The following CHN2 variants were observed in gnomAD, a reference collection of about 807,000 sequenced individuals.
CHN2 encodes the protein beta-chimaerin.
A neutral mutation model predicts 56.3 loss-of-function variants in CHN2; 35 were observed. The ratio of observed to expected loss-of-function variants is 0.62; its 90% CI spans 0.47 to 0.82. CHN2 has a LOEUF of 0.82. CHN2 is among the 40% of genes least tolerant of loss of function. The pLI is 0.00. For missense variants in CHN2, 491 were observed against 580.5 expected, an observed-to-expected ratio of 0.85 and a Z score of 1.58; for synonymous variants, 210 against 212.8, an observed-to-expected ratio of 0.99 and a Z score of 0.12.
intron 1 of CHN2, chr7:29,212,894 A>ACATTG: frequency 1.2e-6 from 2 of 1,610,750 alleles, no homozygotes; most frequent in Non-Finnish European, 1.7e-6. Context: ...TGGAGCAACC[A>ACATTG]GACCTGGAAC....
At chr7:29,380,455 C>A (rs1364340719) in intron 3 of CHN2, among the ~76,000 whole-genome samples, 1 of 152,158 alleles carries the variant, frequency 6.6e-6, no homozygotes, top group Non-Finnish European at 1.5e-5. Flanking sequence ...ACAGACAAGC[C>A]TTGAATTTCT....
chr7:29,432,190 C>T (rs1354167145), intron 6 of CHN2, among the ~76,000 whole-genome samples: 6 of 152,156 alleles, frequency 3.9e-5, no homozygotes, highest in Non-Finnish European at 1.5e-5. Context: ...CTTTGATACA[C>T]TGCCTTTTGA....
At chr7:29,349,213 G>A (rs192357375) in intron 1 of CHN2, among the ~76,000 whole-genome samples, 5 of 152,112 alleles carry the variant, frequency 3.3e-5, no homozygotes, top group Middle Eastern at 6.8e-3. Context: ...TGTTGTTGTC[G>A]TTCTGTTAGT....
intron 6 of CHN2, among the ~76,000 whole-genome samples, chr7:29,412,686 G>A (rs531016160): frequency 8.5e-5 from 13 of 152,166 alleles, no homozygotes; most frequent in Non-Finnish European, 1.6e-4. Flanking sequence ...TGATATTTCC[G>A]GGAAACTTTT....
intron 6 of CHN2, among the ~76,000 whole-genome samples, chr7:29,438,951 C>A (rs1179757535): frequency 6.6e-6 from 1 of 152,296 alleles, no homozygotes; most frequent in East Asian, 1.9e-4. Flanking sequence ...TTCCTATTAT[C>A]TTAGTTTCAC....
At chr7:29,165,166 T>C (rs866798043) in intron 2 of CHN2, among the ~76,000 whole-genome samples, 1 of 152,144 alleles carries the variant, frequency 6.6e-6, no homozygotes, top group East Asian at 1.9e-4. Flanking sequence ...CTAAATAATA[T>C]AGTTTTTGAT....
intron 1 of CHN2, among the ~76,000 whole-genome samples, chr7:29,282,641 T>A (rs3812351): frequency 2.0e-5 from 3 of 152,122 alleles, no homozygotes; most frequent in African/African-American, 4.8e-5. Context: ...TTCTGATGTA[T>A]CTGTTCAGTA....
At chr7:29,374,908 C>T (rs1209059215) in intron 3 of CHN2, among the ~76,000 whole-genome samples, 13 of 140,660 alleles carry the variant, frequency 9.2e-5, no homozygotes, top group South Asian at 2.4e-4. Flanking sequence ...TTTTTTTTGA[C>T]GGAGTTTCGC....
intron 1 of CHN2, chr7:29,332,982 G>A (rs1796339184): frequency 6.6e-6 from 1 of 152,134 alleles, no homozygotes; most frequent in Admixed American, 6.6e-5. Flanking sequence ...CAGAAAGGAG[G>A]TGAGGATAAC....
intron 1 of CHN2, among the ~76,000 whole-genome samples, chr7:29,214,745 TCTTA>T (rs1298866020): frequency 6.6e-6 from 1 of 152,202 alleles, no homozygotes; most frequent in East Asian, 1.9e-4. Context: ...ATTGAATGCC[TCTTA>T]CTTAATCACC....
chr7:29,420,804 CTTCTT>C (rs1462646490), intron 6 of CHN2, among the ~76,000 whole-genome samples: 1 of 125,662 alleles, frequency 8.0e-6, no homozygotes, highest in African/African-American at 2.7e-5. Flanking sequence ...GTTGTTTTTT[CTTCTT>C]TTCTTTCTTT....
At chr7:29,155,143 T>A (rs1794175621) in intron 2 of CHN2, among the ~76,000 whole-genome samples, 1 of 152,070 alleles carries the variant, frequency 6.6e-6, no homozygotes, top group African/African-American at 2.4e-5. Flanking sequence ...CACGTGGGAA[T>A]TCAAGATGAG....
chr7:29,185,047 T>G (rs1373751450), intron 2 of CHN2, among the ~76,000 whole-genome samples: 1 of 152,222 alleles, frequency 6.6e-6, no homozygotes, highest in East Asian at 1.9e-4. Context: ...GGTTTTATTT[T>G]CATATATTCA....
At chr7:29,261,654 T>G (rs1789565770) in intron 1 of CHN2, among the ~76,000 whole-genome samples, 1 of 152,234 alleles carries the variant, frequency 6.6e-6, no homozygotes, top group South Asian at 2.1e-4. Flanking sequence ...AGTTCACTTC[T>G]TTGAACCACA....
At chr7:29,495,862 G>A (rs953102969) in intron 7 of CHN2, 90 bp from the exon 8 acceptor site, 19 of 1,013,806 alleles carry the variant, frequency 1.9e-5, no homozygotes, top group Middle Eastern at 2.0e-4. Flanking sequence ...GTGGGGGATC[G>A]CTCCTGCTGA....
intron 3 of CHN2, among the ~76,000 whole-genome samples, chr7:29,374,696 A>AGTAG (rs1470771555): frequency 6.6e-6 from 1 of 152,218 alleles, no homozygotes; most frequent in African/African-American, 2.4e-5. Context: ...AAGATGAGGC[A>AGTAG]AAAGTAGAAT....
At chr7:29,442,965 G>C (rs1203732034) in intron 6 of CHN2, among the ~76,000 whole-genome samples, 1 of 65,598 alleles carries the variant, frequency 1.5e-5, no homozygotes, top group Non-Finnish European at 2.8e-5. Flanking sequence ...ACGGAGTCTC[G>C]CTCTGTCGCC....
At chr7:29,174,133 C>T (rs1030025012) in intron 2 of CHN2, among the ~76,000 whole-genome samples, 1 of 151,520 alleles carries the variant, frequency 6.6e-6, no homozygotes, top group African/African-American at 2.4e-5. Context: ...GCTGGAGAGA[C>T]CCCCCCGTTT....
chr7:29,340,282 T>C (rs1796938789), intron 1 of CHN2, among the ~76,000 whole-genome samples: 1 of 152,112 alleles, frequency 6.6e-6, no homozygotes, highest in South Asian at 2.1e-4. Flanking sequence ...TTGAATTAAG[T>C]GTTATGAGTA....
Sources: gnomAD v4.1 joint callset for allele counts (sites outside exome capture counted in the v4.1 genomes callset) on GRCh38, gnomAD v4.1.1 for gene constraint, MANE v1.5 for transcripts, NCBI Gene and HGNC (gene_info 2026-07-23, HGNC 2026-07-21) for gene names.